Variants in CCDC90B observed in about 807,000 individuals in gnomAD.
The protein encoded by CCDC90B is coiled-coil domain containing 90B, also known as coiled-coil domain-containing protein 90B, mitochondrial.
In CCDC90B, 24 loss-of-function variants were observed where a neutral mutation model predicts 37.0. That is an observed-to-expected ratio of 0.65 (90% confidence interval 0.47 to 0.91). The LOEUF is 0.91. Among genes scored for constraint, CCDC90B ranks in the 40% least tolerant of loss-of-function variants. CCDC90B has a pLI of 0.00. For missense variants in CCDC90B, 319 were observed against 299.0 expected, an observed-to-expected ratio of 1.07 and a Z score of -0.49; for synonymous variants, 113 against 101.1, an observed-to-expected ratio of 1.12 and a Z score of -0.71.
intron 7 of CCDC90B, among the ~76,000 whole-genome samples, chr11:83,269,313 TA>T (rs1198426775): frequency 6.7e-6 from 1 of 149,970 alleles, no homozygotes; most frequent in African/African-American, 2.4e-5. Context: ...AACAAACCCT[TA>T]AAAAAGAGAT....
intron 1 of CCDC90B, among the ~76,000 whole-genome samples, chr11:83,283,580 G>A (rs964456717): frequency 6.6e-6 from 1 of 152,196 alleles, no homozygotes; most frequent in Non-Finnish European, 1.5e-5. Flanking sequence ...ATAAGGAACT[G>A]GAAAAACCAT....
chr11:83,286,000 G>T lies in CCDC90B; in HGVS notation c.-28C>A. ...CCTCAGAGTTTTCCGGTGGGAGGGA[G>T]GCGGAAGACGGGGTAAATCTCGCAC... On this transcript the variant is annotated 5_prime_UTR_variant, in exon 1 of 9. Coordinates refer to ENST00000529689, the MANE Select transcript of CCDC90B (RefSeq NM_021825.5). The T allele has an allele frequency of 6.3e-7, 1 of 1,590,522 alleles. No individual in the cohort carries two copies. Among genetic ancestry groups the T allele is most frequent in the Non-Finnish European group, 8.6e-7 (1 of 1,168,306 alleles).
chr11:83,273,613 T>G (rs1864825095), intron 7 of CCDC90B, 34 bp downstream of exon 7: 1 of 1,495,514 alleles, frequency 6.7e-7, no homozygotes, highest in Non-Finnish European at 9.1e-7. Context: ...GCACAAGAAC[T>G]GTACAAAAGA....
At chr11:83,285,758 A>T (rs1865646551) in intron 1 of CCDC90B, 115 bp downstream of exon 1, 1 of 1,472,550 alleles carries the variant, frequency 6.8e-7, no homozygotes, top group Non-Finnish European at 9.0e-7. Flanking sequence ...CAAGGCGTGA[A>T]TCCGGGAGGA....
Position 83,265,729 on chromosome 11 carries a change from C to A in CCDC90B, c.709+136G>T. On this transcript the variant is annotated intron_variant, in intron 8 of 8. Transcript: ENST00000529689. ...TCCTGAGACTGGAACCTTCTTTAAG[C>A]ACTACAGGGGACCAAGCAATAAAGG... 6 of 562,916 alleles carry A rather than the reference C, an allele frequency of 1.1e-5. No homozygotes were observed. In the South Asian group the frequency reaches 1.4e-4, roughly 14 times the overall value. The allele number at this position is 562,916 out of a possible 1,614,324, so 34.9% of individuals were successfully genotyped here. A position where few individuals can be genotyped will look rare whatever the true frequency, so the allele number is the denominator to read the frequency against.
At position 83,280,245 on chromosome 11, in the gene CCDC90B, G is replaced by T. The variant is rs1041698841; in HGVS notation, c.116C>A (p.Thr39Lys). Residue 39 changes from threonine to lysine, a missense_variant, in exon 2 of 9, where the codon ACA (threonine) becomes AAA (lysine). Thr to Lys is a moderately conservative substitution (Grantham distance 78). Coordinates refer to ENST00000529689, the MANE Select transcript of CCDC90B (RefSeq NM_021825.5). ...PALRREFFTT[T>K]TKEGYDRRPV... ...CCGCCTATCATATCCCTCCTTGGTT[G>T]TGGTAGTGAAGAACTCTGAAAGAGA... The T allele has an allele frequency of 6.2e-7, 1 of 1,612,440 alleles. No individual in the cohort carries two copies. Among genetic ancestry groups the T allele is most frequent in the Non-Finnish European group, 8.5e-7 (1 of 1,179,348 alleles).
In CCDC90B at chr11:83,286,229, CCGCCCTAGGAA is replaced by C; in HGVS notation, c.-268_-258del. On this transcript the variant is annotated 5_prime_UTR_variant, in exon 1 of 9. It introduces an in-frame stop codon into an upstream open reading frame of the 5' UTR. Coordinates refer to ENST00000529689, the MANE Select transcript of CCDC90B (RefSeq NM_021825.5). ...CCTTCCCGACCTTTGAACGCCTTCACCGCCCTAGGAAAGCGAGATCTTGTCAGAGAACCTTC... is the reference window on the plus strand; with the variant it reads ...CCTTCCCGACCTTTGAACGCCTTCACAGCGAGATCTTGTCAGAGAACCTTC... 6.6e-7 allele frequency: 1 copy of C among 1,512,756 alleles called. No individual in the cohort carries two copies. Among genetic ancestry groups the C allele is most frequent in the South Asian group, 1.2e-5 (1 of 83,372 alleles). The allele number at this position is 1,512,756 out of a possible 1,614,324, so 93.7% of individuals were successfully genotyped here. A position where few individuals can be genotyped will look rare whatever the true frequency, so the allele number is the denominator to read the frequency against.
At chr11:83,265,148 A>G (rs1193003863) in intron 8 of CCDC90B, among the ~76,000 whole-genome samples, 1 of 152,210 alleles carries the variant, frequency 6.6e-6, no homozygotes, top group Non-Finnish European at 1.5e-5. Context: ...AAGGAAAGAA[A>G]AAAGACAAGT....
chr11:83,277,778 G>C (rs1034639540), intron 3 of CCDC90B, among the ~76,000 whole-genome samples: 1 of 151,908 alleles, frequency 6.6e-6, no homozygotes, highest in Non-Finnish European at 1.5e-5. Context: ...TTACAGGTGT[G>C]ACCCACGGCA....
At chr11:83,267,372 A>G (rs972314380) in intron 7 of CCDC90B, 6 of 152,244 alleles carry the variant, frequency 3.9e-5, no homozygotes, top group African/African-American at 1.2e-4. Flanking sequence ...CCTTGAAAAA[A>G]GATTAGACGA....
At chr11:83,276,256 T>G (rs1302604432) in intron 3 of CCDC90B, among the ~76,000 whole-genome samples, 1 of 152,204 alleles carries the variant, frequency 6.6e-6, no homozygotes, top group East Asian at 1.9e-4. Flanking sequence ...TTATATGACA[T>G]TAAAAATAAT....
chr11:83,286,223 C>A lies in CCDC90B; in HGVS notation c.-251G>T. On this transcript the variant is annotated 5_prime_UTR_variant, in exon 1 of 9. Coordinates refer to ENST00000529689, the MANE Select transcript of CCDC90B (RefSeq NM_021825.5). ...AGCGCCCCTTCCCGACCTTTGAACG[C>A]CTTCACCGCCCTAGGAAAGCGAGAT... 1 of 1,515,544 alleles carries A rather than the reference C, an allele frequency of 6.6e-7. No individual in the cohort carries two copies. The highest frequency in any genetic ancestry group is 1.4e-5 in the African/African-American group (1 of 72,672). The allele number at this position is 1,515,544 out of a possible 1,614,324, so 93.9% of individuals were successfully genotyped here.
At chr11:83,280,831 G>A (rs190059744) in intron 1 of CCDC90B, among the ~76,000 whole-genome samples, 2 of 152,296 alleles carry the variant, frequency 1.3e-5, no homozygotes, top group East Asian at 3.8e-4. Context: ...TCTTTAGCAC[G>A]TAGAACAGTG....
rs1168489303 is a variant in CCDC90B at position 83,261,462 on chromosome 11, G to T, written c.*449C>A. The stretch of plus-strand genomic sequence containing the variant: ...CTTTGAAAACCCACACAACTTTGTT[G>T]TAATAATCTTTCATTTTATAGAAAA... On this transcript the variant is annotated 3_prime_UTR_variant, in exon 9 of 9. Transcript: ENST00000529689. 6.6e-6 allele frequency: 1 copy of T among 152,336 alleles called. No individual in the cohort carries two copies. Among genetic ancestry groups the T allele is most frequent in the Non-Finnish European group, 1.5e-5 (1 of 68,162 alleles). The allele number at this position is 152,336 out of a possible 1,614,324, so 9.4% of individuals were successfully genotyped here. A position where few individuals can be genotyped will look rare whatever the true frequency, so the allele number is the denominator to read the frequency against.
Position 83,278,729 on chromosome 11 carries a change from T to C in CCDC90B, c.321A>G (p.Gln107=), listed in dbSNP as rs117072241. ...TIYKEMVTQA[Q]QEITVQQLMA... is the part of the protein sequence containing the mutation. ...GTGATAGTAATCAGTGTATTACCTG[T>C]TGAGCTTGAGTGACCATCTCTTTAT... The change falls in exon 3 of 9, where the codon CAA becomes CAG. Residue 107 remains glutamine (Q), a synonymous_variant. Coordinates refer to ENST00000529689, the MANE Select transcript of CCDC90B (RefSeq NM_021825.5). 6.3e-5 allele frequency: 101 copies of C among 1,594,742 alleles called. No homozygotes were observed. Among genetic ancestry groups the C allele is most frequent in the Non-Finnish European group, 5.6e-5 (65 of 1,163,904 alleles).
intron 7 of CCDC90B, among the ~76,000 whole-genome samples, chr11:83,266,675 G>A (rs1272858763): frequency 6.6e-6 from 1 of 152,088 alleles, no homozygotes; most frequent in Admixed American, 6.6e-5. Context: ...TGTGGGCAGG[G>A]CATAGCTGAA....
intron 7 of CCDC90B, among the ~76,000 whole-genome samples, chr11:83,272,890 A>G (rs1465127968): frequency 6.6e-6 from 1 of 152,188 alleles, no homozygotes; most frequent in Non-Finnish European, 1.5e-5. Flanking sequence ...GATTACTGAG[A>G]AGGAGAGCAG....
intron 1 of CCDC90B, among the ~76,000 whole-genome samples, chr11:83,281,362 A>C (rs1330476975): frequency 1.3e-5 from 2 of 152,228 alleles, no homozygotes; most frequent in African/African-American, 4.8e-5. Context: ...CATAAGCAAA[A>C]CCAGACATAA....
At position 83,280,252 on chromosome 11, in the gene CCDC90B, T is replaced by C. The variant is rs762579826; in HGVS notation, c.109A>G (p.Thr37Ala). 6.2e-7 allele frequency: 1 copy of C among 1,612,306 alleles called. No individual in the cohort carries two copies. ...FSPALRREFFTTTTKEGYDRR... is the reference protein window; with the variant it reads ...FSPALRREFFATTTKEGYDRR... ...TCATATCCCTCCTTGGTTGTGGTAG[T>C]GAAGAACTCTGAAAGAGAAGACAAT... Residue 37 changes from threonine (T) to alanine (A), a missense_variant, in exon 2 of 9, where the codon ACT becomes GCT. Thr to Ala is a moderately conservative substitution (Grantham distance 58, BLOSUM62 0). Transcript: ENST00000529689.
Sources: gnomAD v4.1 joint callset for allele counts (sites outside exome capture counted in the v4.1 genomes callset) on GRCh38, gnomAD v4.1.1 for gene constraint, MANE v1.5 for transcripts, NCBI Gene and HGNC (gene_info 2026-07-23, HGNC 2026-07-21) for gene names.